Variants in ABCA4 observed in about 807,000 individuals in gnomAD.
ABCA4 encodes ATP binding cassette subfamily A member 4, also known as retinal-specific phospholipid-transporting ATPase ABCA4.
Under a neutral mutation model 263.7 loss-of-function variants are expected in ABCA4, and 196 were observed. The ratio of observed to expected loss-of-function variants is 0.74; its 90% CI spans 0.66 to 0.84. ABCA4 has a LOEUF of 0.84. ABCA4 is among the 40% of genes least tolerant of loss of function. The probability of loss-of-function intolerance (pLI) is 0.00; values close to 1 mark genes in which losing one functional copy is unlikely to be tolerated. For missense variants in ABCA4, 2,792 were observed against 2,855.1 expected (o/e 0.98, Z 0.50); for synonymous variants, 1,133 against 1,094.2 (o/e 1.04, Z -0.70).
intron 4 of ABCA4, among the ~76,000 whole-genome samples, chr1:94,104,669 C>T (rs1349655357): frequency 6.6e-6 from 1 of 152,144 alleles, no homozygotes; most frequent in Non-Finnish European, 1.5e-5. Context: ...TAATGGGTTC[C>T]CTGAGAGTGG....
chr1:94,037,488 G>A (rs995928071), intron 24 of ABCA4, 138 bp from the exon 25 acceptor site: 3 of 793,286 alleles, frequency 3.8e-6, no homozygotes. Context: ...CTCTTTCAGA[G>A]GACTGATGCT....
At chr1:93,996,327 G>A (rs949052657) in intron 48 of ABCA4, 132 bp from the exon 49 acceptor site, 24 of 750,758 alleles carry the variant, frequency 3.2e-5, no homozygotes, top group African/African-American at 2.3e-4. Flanking sequence ...TGTCCTACCC[G>A]GGGGAGGCTG....
intron 20 of ABCA4, among the ~76,000 whole-genome samples, chr1:94,043,770 C>CT (rs1660586441): frequency 1.9e-5 from 2 of 107,340 alleles, no homozygotes; most frequent in African/African-American, 3.2e-5. Context: ...AAAAAGCAAT[C>CT]CTTTTTTTTG....
rs1210876737 is a variant in ABCA4, at chr1:94,062,822, G to A, written c.1761-69C>T. ...AGCTCACTCACACCTCCCGACCACA[G>A]GGTGACTCGGAACTCATTCTCTTAA... On this transcript the variant is annotated intron_variant, in intron 12 of 49. Transcript: ENST00000370225. 2.7e-6 allele frequency: 4 copies of A among 1,504,754 alleles called. No homozygotes were observed. The African/African-American group carries it at 5.5e-5, about 21-fold the overall frequency. The allele number at this position is 1,504,754 out of a possible 1,614,324, so 93.2% of individuals were successfully genotyped here.
At chr1:94,083,995 G>A (rs112711722) in intron 6 of ABCA4, among the ~76,000 whole-genome samples, 3 of 152,352 alleles carry the variant, frequency 2.0e-5, no homozygotes, top group South Asian at 2.1e-4. Flanking sequence ...AGTCGGAGAA[G>A]TTCCCTTGCA....
chr1:94,021,939 A>G lies in ABCA4; in HGVS notation c.4680T>C (p.Ile1560=), dbSNP rs1659914546. Residue 1560 remains isoleucine, a synonymous_variant, in exon 33 of 50, where the codon ATT becomes ATC. Transcript: ENST00000370225. The part of the protein sequence containing the change: ...FWVNEQRYGG[I]SIGGKLPVVP... ...CGACTGGGAGCTTTCCTCCAATGGA[A>G]ATTCCTCCATACCTGACAAGGAAAC... is the stretch of plus-strand genomic sequence containing the variant. 1.2e-6 allele frequency: 2 copies of G among 1,614,156 alleles called. No individual in the cohort carries two copies. Among genetic ancestry groups the G allele is most frequent in the Non-Finnish European group, 1.7e-6 (2 of 1,180,018 alleles).
At chr1:94,022,941 G>A (rs1932014) in intron 32 of ABCA4, among the ~76,000 whole-genome samples, 81,308 of 151,904 alleles carry the variant, frequency 0.54, 21,961 homozygotes, top group Middle Eastern at 0.61. Context: ...GTCCCACTTG[G>A]TGAGGTTCTA....
chr1:94,094,072 A>G (rs1662049941), intron 6 of ABCA4, among the ~76,000 whole-genome samples: 1 of 152,204 alleles, frequency 6.6e-6, no homozygotes, highest in Non-Finnish European at 1.5e-5. Context: ...GAGAAATTGG[A>G]AAGAATGAGG....
intron 31 of ABCA4, among the ~76,000 whole-genome samples, chr1:94,024,551 T>C (rs1419838411): frequency 6.6e-6 from 1 of 152,178 alleles, no homozygotes; most frequent in Non-Finnish European, 1.5e-5. Context: ...TGCCACTTAC[T>C]TATTTTCTCT....
intron 3 of ABCA4, 67 bp from the exon 4 acceptor site, chr1:94,108,783 G>A (rs1487386210): frequency 6.4e-7 from 1 of 1,573,678 alleles, no homozygotes; most frequent in East Asian, 2.3e-5. Flanking sequence ...AATATCTCAT[G>A]CTATTTTTTT....
chr1:94,028,373 C>T (rs1660093219), intron 30 of ABCA4, among the ~76,000 whole-genome samples: 1 of 152,158 alleles, frequency 6.6e-6, no homozygotes, highest in South Asian at 2.1e-4. Flanking sequence ...TTAGAACTCC[C>T]AGGACAGGGT....
intron 30 of ABCA4, among the ~76,000 whole-genome samples, chr1:94,028,778 T>C (rs1270211568): frequency 6.6e-6 from 1 of 151,486 alleles, no homozygotes; most frequent in African/African-American, 2.4e-5. Context: ...GGCATGATGG[T>C]GCATGCCTGT....
chr1:94,080,619 A>T lies in ABCA4; in HGVS notation c.958T>A (p.Ser320Thr), dbSNP rs1308641693. The change falls in exon 8 of 50, where the codon TCT becomes ACT. Residue 320 changes from serine to threonine, a missense_variant. Physicochemically the swap from Ser to Thr is moderately conservative, Grantham distance 58 (BLOSUM62 1). Coordinates refer to ENST00000370225, the MANE Select transcript of ABCA4 (RefSeq NM_000350.3). ...ETFTKLMGIL[S>T]DLLCGYPEGG... ...TCGGGGTAGCCACACAGGAGGTCAG[A>T]CAGGATGCCCATCAGCTTTGTAAAG... The T allele has an allele frequency of 5.0e-6, 8 of 1,614,066 alleles. No homozygotes were observed. The African/African-American group carries it at 1.1e-4, about 22-fold the overall frequency.
intron 4 of ABCA4, among the ~76,000 whole-genome samples, chr1:94,103,503 T>G (rs1340917627): frequency 3.3e-5 from 5 of 152,112 alleles, no homozygotes; most frequent in Admixed American, 2.6e-4. Flanking sequence ...CTAAAGACAT[T>G]TCTGGGTGTC....
chr1:94,114,612 G>A (rs558776094), intron 1 of ABCA4, among the ~76,000 whole-genome samples: 31 of 152,126 alleles, frequency 2.0e-4, no homozygotes, highest in East Asian at 1.2e-3. Flanking sequence ...TCAGCCTCCT[G>A]AGTAGCTGGG....
rs770598653 is a variant in ABCA4 at position 94,031,964 on chromosome 1, G to A, written c.3942C>T (p.Pro1314=). The change falls in exon 27 of 50, where the codon CCC becomes CCT. Residue 1314 remains proline (P), a synonymous_variant. Coordinates refer to ENST00000370225, the MANE Select transcript of ABCA4 (RefSeq NM_000350.3). The stretch of plus-strand genomic sequence containing the variant: ...CTGGGGAGCAGACATTGGAGTCCTG[G>A]GGTGTCTGTCCAGCCTTCTCTCTGG... The part of the protein sequence containing the change: ...LGPREKAGQT[P]QDSNVCSPGA... The A allele has an allele frequency of 2.5e-6, 4 of 1,614,080 alleles. No homozygotes were observed. In the South Asian group the frequency reaches 4.4e-5, roughly 18 times the overall value.
In ABCA4 at chr1:94,021,292, C is replaced by T. The variant is rs758912686; in HGVS notation, c.4966G>A (p.Val1656Ile). The T allele has an allele frequency of 1.1e-5, 18 of 1,614,058 alleles. No homozygotes were observed. The highest frequency in any genetic ancestry group is 3.3e-5 in the South Asian group (3 of 91,086). ...GTCAGGTTCAGGGGTTGGCTAATGA[C>T]GGTGATTCCATACTCCTCGGGGCTC... is the stretch of plus-strand genomic sequence containing the variant. ...DRSPEEYGITVISQPLNLTKE... is the reference protein window; with the variant it reads ...DRSPEEYGITIISQPLNLTKE... Residue 1656 changes from valine to isoleucine, a missense_variant, in exon 35 of 50, where the codon GTC becomes ATC. By Grantham distance (29) the Val-to-Ile change is conservative. Transcript: ENST00000370225.
chr1:94,108,665 C>T lies in ABCA4; in HGVS notation c.354G>A (p.Glu118=). The change falls in exon 4 of 50, where the codon GAG becomes GAA. Residue 118 remains glutamate (E), a synonymous_variant. Transcript: ENST00000370225. ...DFQELLMNAP[E]SQHLGRIWTE... ...TCCAAATACGGCCAAGGTGCTGGCT[C>T]TCTGGTGCATTCATGAGGAGTTCTT... The T allele has an allele frequency of 1.2e-6, 2 of 1,614,066 alleles. No homozygotes were observed. The highest frequency in any genetic ancestry group is 1.7e-6 in the Non-Finnish European group (2 of 1,180,040).
At chr1:93,999,855 C>T (rs11165060) in intron 47 of ABCA4, among the ~76,000 whole-genome samples, 19,427 of 152,208 alleles carry the variant, frequency 0.13, 2,081 homozygotes, top group African/African-American at 0.29. Flanking sequence ...AGCAGTTGGA[C>T]ACAGGAAGTT....
Sources: allele counts gnomAD v4.1 joint callset (sites outside exome capture counted in the v4.1 genomes callset), GRCh38; gene constraint gnomAD v4.1.1; transcripts MANE v1.5; gene names NCBI Gene and HGNC (gene_info 2026-07-23, HGNC 2026-07-21).